TRIP12: variants seen among roughly 807,000 people sequenced by gnomAD.
TRIP12 encodes thyroid hormone receptor interactor 12, also known as E3 ubiquitin-protein ligase TRIP12.
A neutral mutation model predicts 244.2 loss-of-function variants in TRIP12; 25 were observed. The observed-to-expected ratio is 0.10, with a 90% CI of 0.07 to 0.14. The LOEUF (loss-of-function observed/expected upper bound fraction) is 0.14, where lower values mean the gene tolerates loss of function less well. Ranked by LOEUF, TRIP12 falls within the 10% of genes least tolerant of loss-of-function variation. The pLI, the probability that TRIP12 is intolerant of heterozygous loss-of-function variation, is 1.00. For synonymous variants in TRIP12, 905 were observed against 873.1 expected (o/e 1.04, Z -0.64); for missense variants, 1,677 against 2,486.4 (o/e 0.67, Z 6.92).
chr2:229,832,303 G>C (rs940323566), intron 6 of TRIP12, among the ~76,000 whole-genome samples: 3 of 152,184 alleles, frequency 2.0e-5, no homozygotes, highest in African/African-American at 7.2e-5. Context: ...CAAGTCTGTG[G>C]CCGCTTTCAC....
At chr2:229,877,082 A>G (rs1054854801) in intron 2 of TRIP12, among the ~76,000 whole-genome samples, 3 of 152,016 alleles carry the variant, frequency 2.0e-5, no homozygotes. Context: ...AAAAATCACA[A>G]TTACTTTTGC....
intron 1 of TRIP12, among the ~76,000 whole-genome samples, chr2:229,907,806 A>T (rs1201412710): frequency 3.9e-5 from 6 of 152,184 alleles, no homozygotes; most frequent in Admixed American, 3.9e-4. Context: ...ATCTCTAGAA[A>T]AAAATAACAA....
intron 2 of TRIP12, among the ~76,000 whole-genome samples, chr2:229,876,445 G>T (rs2063586882): frequency 6.6e-6 from 1 of 152,210 alleles, no homozygotes; most frequent in South Asian, 2.1e-4. Context: ...AAACTAATAA[G>T]ATGTTTTGGC....
intron 26 of TRIP12, 116 bp downstream of exon 26, chr2:229,795,063 A>C: frequency 2.5e-6 from 3 of 1,208,462 alleles, no homozygotes; most frequent in Non-Finnish European, 3.4e-6. Flanking sequence ...TTTCATCATT[A>C]CAGCTGAATG....
chr2:229,842,377 G>C (rs1285917715), intron 4 of TRIP12, among the ~76,000 whole-genome samples: 3 of 151,882 alleles, frequency 2.0e-5, no homozygotes, highest in African/African-American at 7.2e-5. Flanking sequence ...ATAGATCTAG[G>C]GAGCTAGCTT....
At chr2:229,829,382 C>A in intron 7 of TRIP12, 94 bp from the exon 8 acceptor site, 2 of 941,070 alleles carry the variant, frequency 2.1e-6, no homozygotes, top group South Asian at 3.5e-5. Context: ...TCTCGCTTAA[C>A]TGATTCAGTC....
At chr2:229,828,094 T>C (rs937709417) in intron 8 of TRIP12, among the ~76,000 whole-genome samples, 8 of 152,200 alleles carry the variant, frequency 5.3e-5, no homozygotes, top group African/African-American at 1.9e-4. Flanking sequence ...CACATGACTG[T>C]ATATAATGCC....
intron 5 of TRIP12, 74 bp from the exon 6 acceptor site, chr2:229,837,058 A>C: frequency 4.0e-5 from 54 of 1,340,220 alleles, no homozygotes; most frequent in Non-Finnish European, 4.9e-5. Context: ...CACAAAGCTC[A>C]AATTCATGGA....
At chr2:229,914,398 C>T (rs2074973607) in intron 1 of TRIP12, among the ~76,000 whole-genome samples, 1 of 152,036 alleles carries the variant, frequency 6.6e-6, no homozygotes, top group Non-Finnish European at 1.5e-5. Flanking sequence ...AAGTTGACAG[C>T]ATTTGCATAT....
At chr2:229,801,774 C>T (rs2044413257) in intron 21 of TRIP12, among the ~76,000 whole-genome samples, 1 of 152,082 alleles carries the variant, frequency 6.6e-6, no homozygotes, top group Admixed American at 6.6e-5. Context: ...GTATTTAACT[C>T]CCAGTTGCCA....
chr2:229,785,181 A>T (rs1417341206), intron 34 of TRIP12, among the ~76,000 whole-genome samples: 1 of 152,240 alleles, frequency 6.6e-6, no homozygotes. Flanking sequence ...AAGTGAAAGA[A>T]GAATGACAAA....
chr2:229,896,336 C>G (rs1576830694), intron 1 of TRIP12, among the ~76,000 whole-genome samples: 1 of 152,070 alleles, frequency 6.6e-6, no homozygotes, highest in African/African-American at 2.4e-5. Flanking sequence ...AATCATCTCT[C>G]TATTAAAAAT....
At chr2:229,861,886 A>G (rs1250941722) in intron 2 of TRIP12, among the ~76,000 whole-genome samples, 1 of 152,218 alleles carries the variant, frequency 6.6e-6, no homozygotes, top group South Asian at 2.1e-4. Flanking sequence ...TTTCTTAAAA[A>G]AAAATAACAA....
At chr2:229,891,902 AG>A (rs1456993107) in intron 1 of TRIP12, among the ~76,000 whole-genome samples, 11 of 152,220 alleles carry the variant, frequency 7.2e-5, no homozygotes, top group African/African-American at 2.7e-4. Context: ...GGAAAAATGG[AG>A]ATGATCCGAA....
intron 2 of TRIP12, among the ~76,000 whole-genome samples, chr2:229,878,754 T>C (rs1011780953): frequency 1.3e-5 from 2 of 151,522 alleles, no homozygotes; most frequent in Non-Finnish European, 2.9e-5. Flanking sequence ...CTAAATTTTT[T>C]TGTATTTTTG....
intron 38 of TRIP12, 44 bp from the exon 39 acceptor site, chr2:229,771,676 T>C: frequency 6.9e-6 from 10 of 1,452,938 alleles, no homozygotes; most frequent in Non-Finnish European, 9.7e-6. Context: ...AGATTTCAAA[T>C]CTCTTTACTA....
intron 8 of TRIP12, among the ~76,000 whole-genome samples, chr2:229,827,941 C>G (rs2052191554): frequency 6.6e-6 from 1 of 152,024 alleles, no homozygotes; most frequent in South Asian, 2.1e-4. Flanking sequence ...GACTGGACTC[C>G]CCTGGCTCTA....
At chr2:229,793,196 A>G (rs2041970339) in intron 26 of TRIP12, 51 bp from the exon 27 acceptor site, 3 of 1,550,402 alleles carry the variant, frequency 1.9e-6, no homozygotes, top group Admixed American at 1.8e-5. Flanking sequence ...CACATTTAAT[A>G]TACATTAATT....
At chr2:229,814,080 T>TA (rs1178784645) in intron 12 of TRIP12, 49 bp from the exon 13 acceptor site, 3 of 1,528,460 alleles carry the variant, frequency 2.0e-6, no homozygotes, top group African/African-American at 2.8e-5. Flanking sequence ...TTATCAGCAA[T>TA]AAAAAATAAT....
Sources: gnomAD v4.1 joint callset for allele counts (sites outside exome capture counted in the v4.1 genomes callset) on GRCh38, gnomAD v4.1.1 for gene constraint, MANE v1.5 for transcripts, NCBI Gene and HGNC (gene_info 2026-07-23, HGNC 2026-07-21) for gene names.